GSPT1: variants seen among roughly 807,000 people sequenced by gnomAD.
The protein encoded by GSPT1 is eukaryotic peptide chain release factor GTP-binding subunit ERF3A.
A neutral mutation model predicts 72.5 loss-of-function variants in GSPT1; 20 were observed. The ratio of observed to expected loss-of-function variants is 0.28; its 90% CI spans 0.19 to 0.40. The LOEUF is 0.40. Ranked by LOEUF, GSPT1 falls within the 10% of genes least tolerant of loss-of-function variation. The pLI, the probability that GSPT1 is intolerant of heterozygous loss-of-function variation, is 1.00. For missense variants in GSPT1, 580 were observed against 811.9 expected (o/e 0.71, Z 3.47); for synonymous variants, 334 against 293.5 (o/e 1.14, Z -1.41).
chr16:11,883,665 A>G (rs1017933135), intron 10 of GSPT1, among the ~76,000 whole-genome samples: 2 of 151,374 alleles, frequency 1.3e-5, no homozygotes, highest in Admixed American at 1.3e-4. Context: ...CTGTAATCCC[A>G]GCACTTTGGG....
At position 11,915,646 on chromosome 16, in the gene GSPT1, G is replaced by A; in HGVS notation, c.75C>T (p.Asp25=). The A allele has an allele frequency of 1.3e-6, 2 of 1,486,798 alleles. No individual in the cohort carries two copies. The highest frequency in any genetic ancestry group is 1.8e-6 in the Non-Finnish European group (2 of 1,122,836). The allele number at this position is 1,486,798 out of a possible 1,614,324, so 92.1% of individuals were successfully genotyped here. A position where few individuals can be genotyped will look rare whatever the true frequency, so the allele number is the denominator to read the frequency against. ...CCTGGTCCCAGCAGTCAGGCGCCGA[G>A]TCGCTGCTGCTGCTGCCGCTGCTGC... ...GGSSSGSSSS[D]SAPDCWDQAD... Residue 25 remains aspartate (D), a synonymous_variant, in exon 1 of 15, where the codon GAC becomes GAT. Transcript: ENST00000434724.
chr16:11,916,547 C>T (rs4781163), upstream of GSPT1, among the ~76,000 whole-genome samples: 1 of 152,176 alleles, frequency 6.6e-6, no homozygotes, highest in African/African-American at 2.4e-5. Context: ...CAGATTTTGC[C>T]CTTCATTTCA....
At chr16:11,897,393 T>A (rs2141303115) in intron 3 of GSPT1, among the ~76,000 whole-genome samples, 1 of 152,256 alleles carries the variant, frequency 6.6e-6, no homozygotes, top group East Asian at 1.9e-4. Flanking sequence ...GAGACCATCC[T>A]GATCAACATG....
chr16:11,902,033 G>A (rs1411846193), intron 1 of GSPT1, among the ~76,000 whole-genome samples: 1 of 149,938 alleles, frequency 6.7e-6, no homozygotes, highest in African/African-American at 2.5e-5. Context: ...AGGTTGCAGT[G>A]AGCTGAGATT....
Position 11,915,646 on chromosome 16 carries a change from G to T in GSPT1, c.75C>A (p.Asp25Glu). 1 of 1,486,798 alleles carries T rather than the reference G, an allele frequency of 6.7e-7. No homozygotes were observed. Among genetic ancestry groups the T allele is most frequent in the South Asian group, 1.3e-5 (1 of 79,076 alleles). The allele number at this position is 1,486,798 out of a possible 1,614,324, so 92.1% of individuals were successfully genotyped here. A position where few individuals can be genotyped will look rare whatever the true frequency, so the allele number is the denominator to read the frequency against. Reference protein sequence around the residue: ...GGSSSGSSSSDSAPDCWDQAD... With the variant: ...GGSSSGSSSSESAPDCWDQAD... ...CCTGGTCCCAGCAGTCAGGCGCCGAGTCGCTGCTGCTGCTGCCGCTGCTGC... is the reference window on the plus strand; with the variant it reads ...CCTGGTCCCAGCAGTCAGGCGCCGATTCGCTGCTGCTGCTGCCGCTGCTGC... Residue 25 changes from aspartate (D) to glutamate (E), a missense_variant, in exon 1 of 15, where the codon GAC (aspartate) becomes GAA (glutamate). This residue lies in a region of GSPT1 where 327 missense variants were observed against 298.8 expected (regional missense o/e 1.09). Coordinates refer to ENST00000434724, the MANE Select transcript of GSPT1 (RefSeq NM_002094.4).
intron 12 of GSPT1, 116 bp from the exon 13 acceptor site, chr16:11,876,291 CTT>C (rs2054045278): frequency 1.4e-6 from 1 of 728,320 alleles, no homozygotes; most frequent in Non-Finnish European, 2.4e-6. Context: ...AGGACATCAA[CTT>C]AAGTGATTTT....
intron 10 of GSPT1, among the ~76,000 whole-genome samples, chr16:11,883,459 C>CAAAA (rs66922380): frequency 7.5e-5 from 5 of 66,458 alleles, no homozygotes; most frequent in East Asian, 1.0e-3. Flanking sequence ...ACTAAAAATA[C>CAAAA]AAAAAAAAAA....
Position 11,872,459 on chromosome 16 carries a change from T to C in GSPT1, c.*660A>G, listed in dbSNP as rs2053989746. ...ATTTGCATAAAGGGATTTAACTGCA[T>C]GTATGCATTAACCATCAAAAGAAGG... On this transcript the variant is annotated 3_prime_UTR_variant, in exon 15 of 15. Coordinates refer to ENST00000434724, the MANE Select transcript of GSPT1 (RefSeq NM_002094.4). 1.3e-5 allele frequency: 2 copies of C among 152,116 alleles called. No homozygotes were observed. The highest frequency in any genetic ancestry group is 4.8e-5 in the African/African-American group (2 of 41,434). The allele number at this position is 152,116 out of a possible 1,614,324, so 9.4% of individuals were successfully genotyped here. A position where few individuals can be genotyped will look rare whatever the true frequency, so the allele number is the denominator to read the frequency against.
Position 11,877,699 on chromosome 16 carries a change from T to A in GSPT1, c.1429-119A>T. The A allele has an allele frequency of 1.6e-6, 1 of 618,742 alleles. No homozygotes were observed. The highest frequency in any genetic ancestry group is 2.7e-6 in the Non-Finnish European group (1 of 365,288). The allele number at this position is 618,742 out of a possible 1,614,324, so 38.3% of individuals were successfully genotyped here. On this transcript the variant is annotated intron_variant, in intron 11 of 14. Transcript: ENST00000434724. This position sits in a 1 kb window ranked among gnomAD's most constrained non-coding sequence, Gnocchi z 4.0. ...TGCAAGATTTGACTGTAAACACTTA[T>A]GTTTGTATGACATAAAATCTTAGCC...
intron 5 of GSPT1, 112 bp from the exon 6 acceptor site, chr16:11,891,251 ATATG>A: frequency 2.0e-6 from 1 of 503,400 alleles, no homozygotes; most frequent in Non-Finnish European, 3.5e-6. Context: ...TAGTTATTTT[ATATG>A]TGTGTGTCTG....
intron 11 of GSPT1, among the ~76,000 whole-genome samples, chr16:11,879,088 A>T (rs1204255573): frequency 2.0e-5 from 1 of 51,108 alleles, no homozygotes; most frequent in Non-Finnish European, 3.9e-5. Context: ...AAAAAATAAA[A>T]AATAATAATA....
At chr16:11,897,402 TG>T (rs1335360529) in intron 3 of GSPT1, among the ~76,000 whole-genome samples, 4 of 152,048 alleles carry the variant, frequency 2.6e-5, no homozygotes, top group African/African-American at 9.7e-5. Flanking sequence ...CTGATCAACA[TG>T]GTGAAACCCC....
In GSPT1 at chr16:11,868,599, G is replaced by C. The variant is rs2053945296; in HGVS notation, c.*4520C>G. The C allele has an allele frequency of 1.3e-5, 2 of 152,164 alleles. No homozygotes were observed. The highest frequency in any genetic ancestry group is 2.4e-5 in the African/African-American group (1 of 41,448). 9.4% of individuals were successfully genotyped at this position (152,164 alleles called of 1,614,324 possible). A position where few individuals can be genotyped will look rare whatever the true frequency, so the allele number is the denominator to read the frequency against. On this transcript the variant is annotated 3_prime_UTR_variant, in exon 15 of 15. Coordinates refer to ENST00000434724, the MANE Select transcript of GSPT1 (RefSeq NM_002094.4). The stretch of plus-strand genomic sequence containing the variant: ...ATGGAGGTGAGAATAGTCACCTGAA[G>C]AGTGCAAGCGCTCCAGCTCCAGCAC...
rs766079753 is a variant in GSPT1, at chr16:11,915,807, G to T, written c.-87C>A. 1.3e-6 allele frequency: 2 copies of T among 1,569,734 alleles called. No homozygotes were observed. The highest frequency in any genetic ancestry group is 1.7e-6 in the Non-Finnish European group (2 of 1,159,266). ...CGGAGAGGAGTGGGCAACGCTGACT[G>T]AGGGAAGGCGGCGGGGCAGAAGGGC... is the stretch of plus-strand genomic sequence containing the variant. On this transcript the variant is annotated 5_prime_UTR_variant, in exon 1 of 15. Transcript: ENST00000434724.
chr16:11,904,449 GC>G (rs2054462514), intron 1 of GSPT1, among the ~76,000 whole-genome samples: 1 of 152,024 alleles, frequency 6.6e-6, no homozygotes, highest in African/African-American at 2.4e-5. Context: ...TGATCCGCCC[GC>G]CTTGGCCTCC....
At chr16:11,889,849 A>G (rs1216230023) in intron 6 of GSPT1, among the ~76,000 whole-genome samples, 4 of 151,996 alleles carry the variant, frequency 2.6e-5, no homozygotes, top group Non-Finnish European at 5.9e-5. Context: ...CATATTGGCC[A>G]GGGTGGTCTC....
At chr16:11,875,006 GTGGT>G (rs2054025830) in intron 14 of GSPT1, among the ~76,000 whole-genome samples, 1 of 152,110 alleles carries the variant, frequency 6.6e-6, no homozygotes, top group Non-Finnish European at 1.5e-5. Context: ...CCTGGCTAAC[GTGGT>G]GAAACCCCGT....
At chr16:11,885,710 A>G (rs2054179254) in intron 9 of GSPT1, among the ~76,000 whole-genome samples, 1 of 152,166 alleles carries the variant, frequency 6.6e-6, no homozygotes. Flanking sequence ...CCTGGGCAAC[A>G]TGGTGAATCT....
At position 11,891,126 on chromosome 16, in the gene GSPT1, T is replaced by A; in HGVS notation, c.712A>T (p.Met238Leu). 1 of 1,488,384 alleles carries A rather than the reference T, an allele frequency of 6.7e-7. No homozygotes were observed. Among genetic ancestry groups the A allele is most frequent in the Non-Finnish European group, 9.1e-7 (1 of 1,099,514 alleles). 92.2% of individuals were successfully genotyped at this position (1,488,384 alleles called of 1,614,324 possible). A position where few individuals can be genotyped will look rare whatever the true frequency, so the allele number is the denominator to read the frequency against. The change falls in exon 6 of 15, where the codon ATG (methionine) becomes TTG (leucine). Residue 238 changes from methionine (M) to leucine (L), a missense_variant. Transcript: ENST00000434724. ...TTTTCAAGCGTCCTTTTGTCAACCA[T>A]TCCAGTCAAATACCTGAAAACATTT... is the stretch of plus-strand genomic sequence containing the variant. The part of the protein sequence containing the change: ...IGGQIMYLTG[M>L]VDKRTLEKYE...
Sources: allele counts gnomAD v4.1 joint callset (sites outside exome capture counted in the v4.1 genomes callset), GRCh38; gene constraint gnomAD v4.1.1; regional missense constraint gnomAD v4.1.1; non-coding constraint Gnocchi (gnomAD v3.1); transcripts MANE v1.5; gene names NCBI Gene and HGNC (gene_info 2026-07-23, HGNC 2026-07-21).